The following NRXN1 variants were observed in gnomAD, a reference collection of about 807,000 sequenced individuals.
NRXN1 encodes the protein neurexin-1.
Under a neutral mutation model 150.9 loss-of-function variants are expected in NRXN1, and 39 were observed. The observed-to-expected ratio is 0.26, with a 90% confidence interval of 0.20 to 0.34. NRXN1 has a LOEUF of 0.34. Among genes scored for constraint, NRXN1 ranks in the 10% least tolerant of loss-of-function variants. NRXN1 has a pLI of 1.00. For synonymous variants in NRXN1, 924 were observed against 757.0 expected, an observed-to-expected ratio of 1.22 and a Z score of -3.62; for missense variants, 1,815 against 1,949.9, an observed-to-expected ratio of 0.93 and a Z score of 1.30.
chr2:50,729,565 T>C (rs1407171019), intron 5 of NRXN1, among the ~76,000 whole-genome samples: 1 of 152,206 alleles, frequency 6.6e-6, no homozygotes, highest in Admixed American at 6.5e-5. Flanking sequence ...CTGAGGGTAG[T>C]TGATATGGCA....
At chr2:50,790,225 A>C (rs560236504) in intron 5 of NRXN1, among the ~76,000 whole-genome samples, 3 of 151,750 alleles carry the variant, frequency 2.0e-5, no homozygotes, top group South Asian at 2.1e-4. Flanking sequence ...AGTTCTTGCA[A>C]CTCTTCCCAC....
intron 3 of NRXN1, among the ~76,000 whole-genome samples, chr2:50,923,734 T>C (rs1686436423): frequency 6.6e-6 from 1 of 151,900 alleles, no homozygotes; most frequent in Non-Finnish European, 1.5e-5. Flanking sequence ...ACTTGTATTT[T>C]CAATTTCCAG....
rs775179390 is a variant in NRXN1, at chr2:49,943,800, G to C, written c.4129-9C>G. The C allele has an allele frequency of 5.0e-6, 8 of 1,596,870 alleles. No individual in the cohort carries two copies. In the South Asian group the frequency reaches 8.9e-5, roughly 18 times the overall value. On this transcript the variant is annotated splice_polypyrimidine_tract_variant and intron_variant, in intron 21 of 22. Transcript: ENST00000401669. ...AGGATGTCATCTGTGGTCTGCAAAA[G>C]AATCACATTCAGTAGATTAATTTAA... is the stretch of plus-strand genomic sequence containing the variant.
chr2:50,516,177 AT>A (rs945505347), intron 12 of NRXN1, among the ~76,000 whole-genome samples: 5 of 152,148 alleles, frequency 3.3e-5, no homozygotes, highest in African/African-American at 1.2e-4. Context: ...GCCTCTTAAC[AT>A]TACTAGAGGC....
At chr2:49,995,848 C>T (rs1247187539) in intron 21 of NRXN1, among the ~76,000 whole-genome samples, 3 of 105,570 alleles carry the variant, frequency 2.8e-5, no homozygotes, top group Non-Finnish European at 5.6e-5. Context: ...TATGAAAGCA[C>T]CATGCTGGAT....
intron 5 of NRXN1, among the ~76,000 whole-genome samples, chr2:50,905,378 G>C (rs1683525559): frequency 6.6e-6 from 1 of 152,128 alleles, no homozygotes; most frequent in South Asian, 2.1e-4. Flanking sequence ...AAATGTGTGA[G>C]TCTGGTTAGG....
chr2:50,278,356 TG>T lies in NRXN1; in HGVS notation c.3365-41387del, dbSNP rs2070939498. On this transcript the variant is annotated intron_variant, in intron 17 of 22. Transcript: ENST00000401669. ...ATTTAGTAGAGATGGGGTTTCACCA[TG>T]TTAGCCAGGCTGGTGAACACCTGAC... 4.2e-5 allele frequency among the ~76,000 whole-genome samples: 6 copies of T among 142,494 alleles called. No homozygotes were observed. The South Asian group carries it at 1.3e-3, about 31-fold the overall frequency. 93.5% of individuals were successfully genotyped at this position (142,494 alleles called of 152,430 possible). A position where few individuals can be genotyped will look rare whatever the true frequency, so the allele number is the denominator to read the frequency against.
intron 2 of NRXN1, among the ~76,000 whole-genome samples, chr2:50,928,863 C>T (rs997107972): frequency 1.2e-4 from 18 of 152,110 alleles, no homozygotes; most frequent in South Asian, 6.2e-4. Context: ...AAATGAAGTG[C>T]GTCTCTTAAT....
chr2:49,973,527 A>T (rs1678333054), intron 21 of NRXN1, among the ~76,000 whole-genome samples: 1 of 152,192 alleles, frequency 6.6e-6, no homozygotes, highest in African/African-American at 2.4e-5. Flanking sequence ...CAAGTCATTA[A>T]CAATAATAAA....
intron 17 of NRXN1, among the ~76,000 whole-genome samples, chr2:50,276,177 G>C (rs929488107): frequency 2.0e-5 from 3 of 152,030 alleles, no homozygotes. Context: ...TTGATTCTAA[G>C]GGGGAGGTTT....
chr2:50,505,263 G>C (rs975184940), intron 13 of NRXN1, among the ~76,000 whole-genome samples: 1 of 152,030 alleles, frequency 6.6e-6, no homozygotes, highest in African/African-American at 2.4e-5. Flanking sequence ...TCTCTCCTCA[G>C]ATCTCGTAAC....
chr2:50,077,877 A>G (rs1697336039), intron 19 of NRXN1, among the ~76,000 whole-genome samples: 1 of 152,046 alleles, frequency 6.6e-6, no homozygotes, highest in Non-Finnish European at 1.5e-5. Context: ...AATACTTAAC[A>G]TGAGGAAAGT....
At chr2:50,772,507 CA>C (rs998491147) in intron 5 of NRXN1, among the ~76,000 whole-genome samples, 66 of 145,446 alleles carry the variant, frequency 4.5e-4, no homozygotes, top group Non-Finnish European at 8.5e-4. Flanking sequence ...CTTGGTTTTA[CA>C]AAAAAAAAAT....
intron 2 of NRXN1, chr2:50,963,968 A>G: frequency 6.8e-6 from 3 of 442,656 alleles, no homozygotes; most frequent in South Asian, 4.8e-5. Flanking sequence ...TAATACAAAC[A>G]TATGTCATTG....
intron 19 of NRXN1, among the ~76,000 whole-genome samples, chr2:50,063,528 A>T (rs1296147793): frequency 4.9e-5 from 7 of 142,960 alleles, no homozygotes; most frequent in African/African-American, 1.9e-4. Context: ...TGTACTCAAC[A>T]TCTCTGCCCA....
intron 2 of NRXN1, among the ~76,000 whole-genome samples, chr2:51,026,177 C>T (rs1461534226): frequency 1.3e-5 from 2 of 152,278 alleles, no homozygotes; most frequent in African/African-American, 2.4e-5. Flanking sequence ...TACAATAAAA[C>T]GCAGCCACAC....
intron 5 of NRXN1, among the ~76,000 whole-genome samples, chr2:50,792,066 T>C (rs1706123182): frequency 6.6e-6 from 1 of 152,074 alleles, no homozygotes; most frequent in Non-Finnish European, 1.5e-5. Flanking sequence ...TATAAATAAA[T>C]TCAAAACCTA....
chr2:50,979,278 G>A (rs377419730), intron 2 of NRXN1: 2 of 517,970 alleles, frequency 3.9e-6, no homozygotes, highest in Non-Finnish European at 7.7e-6. Flanking sequence ...TACATCAGCT[G>A]GAAGGAAGAG....
intron 18 of NRXN1, among the ~76,000 whole-genome samples, chr2:50,140,160 G>A (rs1346370765): frequency 6.6e-6 from 1 of 152,090 alleles, no homozygotes; most frequent in Non-Finnish European, 1.5e-5. Flanking sequence ...AGATTGCTTT[G>A]TCTCTTAGGA....
Sources: allele counts gnomAD v4.1 joint callset (sites outside exome capture counted in the v4.1 genomes callset), GRCh38; gene constraint gnomAD v4.1.1; transcripts MANE v1.5; gene names NCBI Gene and HGNC (gene_info 2026-07-23, HGNC 2026-07-21).